The following MAGI2 variants were observed in gnomAD, a reference collection of about 807,000 sequenced individuals.
MAGI2 encodes membrane-associated guanylate kinase, WW and PDZ domain-containing protein 2.
A neutral mutation model predicts 133.3 loss-of-function variants in MAGI2; 35 were observed. That is an observed-to-expected ratio of 0.26 (90% confidence interval 0.20 to 0.35). MAGI2 has a LOEUF of 0.35. Ranked by LOEUF, MAGI2 falls within the 10% of genes least tolerant of loss-of-function variation. MAGI2 has a pLI of 1.00. For missense variants in MAGI2, 1,636 were observed against 1,863.4 expected (o/e 0.88, Z 2.25); for synonymous variants, 729 against 710.6 (o/e 1.03, Z -0.41).
intron 3 of MAGI2, among the ~76,000 whole-genome samples, chr7:78,560,169 A>T (rs1302220614): frequency 1.3e-5 from 2 of 152,192 alleles, no homozygotes; most frequent in Non-Finnish European, 2.9e-5. Flanking sequence ...GAAAATGAAG[A>T]TCCACATTAA....
chr7:79,105,429 A>T (rs1562895003), intron 1 of MAGI2, among the ~76,000 whole-genome samples: 1 of 152,194 alleles, frequency 6.6e-6, no homozygotes, highest in East Asian at 1.9e-4. Context: ...CCTGCTCAGT[A>T]GCGATTTACT....
chr7:79,191,386 CTTTTTCTTTTTCTTTCTTTTTTTTTT>C, intron 1 of MAGI2, among the ~76,000 whole-genome samples: 1 of 44,214 alleles, frequency 2.3e-5, no homozygotes, highest in South Asian at 7.3e-4. Context: ...TTCTTTTTTT[CTTTTTCTTTTTCTTTCTTTTTTTTTT>C]TTTTTTTTTT....
intron 1 of MAGI2, among the ~76,000 whole-genome samples, chr7:79,021,935 C>G (rs1226199262): frequency 6.6e-6 from 1 of 152,042 alleles, no homozygotes. Context: ...GGGGCAGTTT[C>G]CCCTATGCTG....
intron 3 of MAGI2, among the ~76,000 whole-genome samples, chr7:78,576,269 T>C (rs1802258869): frequency 6.6e-6 from 1 of 152,150 alleles, no homozygotes; most frequent in Non-Finnish European, 1.5e-5. Flanking sequence ...TTGGGACACA[T>C]TGGTCTCTAG....
intron 1 of MAGI2, among the ~76,000 whole-genome samples, chr7:79,409,073 C>T (rs1319879302): frequency 6.6e-6 from 1 of 152,002 alleles, no homozygotes; most frequent in African/African-American, 2.4e-5. Context: ...AGTATTCAGA[C>T]ACAAGTTTTA....
intron 1 of MAGI2, among the ~76,000 whole-genome samples, chr7:79,118,411 C>T (rs1340430055): frequency 6.6e-6 from 1 of 152,074 alleles, no homozygotes; most frequent in Non-Finnish European, 1.5e-5. Context: ...ACATTCATTC[C>T]TACTTGCAGG....
intron 2 of MAGI2, among the ~76,000 whole-genome samples, chr7:78,658,598 A>G (rs954154300): frequency 1.3e-5 from 2 of 152,214 alleles, no homozygotes; most frequent in Non-Finnish European, 2.9e-5. Flanking sequence ...TTTTATCTAG[A>G]AAAATAAAGA....
At chr7:78,420,280 G>A (rs1465665130) in intron 6 of MAGI2, among the ~76,000 whole-genome samples, 8 of 152,220 alleles carry the variant, frequency 5.3e-5, no homozygotes, top group Middle Eastern at 3.4e-3. Flanking sequence ...AACTGTTCTT[G>A]GCAGGAAGTG....
chr7:78,508,513 T>C (rs1795288511), intron 4 of MAGI2, among the ~76,000 whole-genome samples: 1 of 152,244 alleles, frequency 6.6e-6, no homozygotes, highest in African/African-American at 2.4e-5. Flanking sequence ...GTGTAAGTTG[T>C]TAAGAAATTA....
chr7:78,710,379 CTA>C (rs2151173878), intron 2 of MAGI2, among the ~76,000 whole-genome samples: 1 of 152,234 alleles, frequency 6.6e-6, no homozygotes, highest in Non-Finnish European at 1.5e-5. Context: ...GCAAAGAACC[CTA>C]TGTTTGGGGA....
intron 1 of MAGI2, chr7:79,353,835 G>T: frequency 4.6e-6 from 1 of 215,160 alleles, no homozygotes; most frequent in Non-Finnish European, 9.6e-6. Flanking sequence ...GGTGGGGCTG[G>T]AACTGCTGGG....
intron 2 of MAGI2, among the ~76,000 whole-genome samples, chr7:78,682,544 T>A (rs1277920263): frequency 6.6e-6 from 1 of 152,206 alleles, no homozygotes. Context: ...GCAAACGACA[T>A]GAACTCATCC....
At chr7:78,060,231 A>ACAAAC (rs1813081303) in intron 21 of MAGI2, among the ~76,000 whole-genome samples, 1 of 144,732 alleles carries the variant, frequency 6.9e-6, no homozygotes, top group Non-Finnish European at 1.5e-5. Flanking sequence ...AAATTATTTA[A>ACAAAC]AAAACAAAAG....
chr7:78,812,258 T>C (rs1789130002), intron 2 of MAGI2, among the ~76,000 whole-genome samples: 1 of 152,224 alleles, frequency 6.6e-6, no homozygotes, highest in African/African-American at 2.4e-5. Context: ...AATTTGTGAT[T>C]ATTTGTTACA....
At chr7:78,248,976 C>A (rs1315346016) in intron 10 of MAGI2, among the ~76,000 whole-genome samples, 1 of 151,380 alleles carries the variant, frequency 6.6e-6, no homozygotes, top group Admixed American at 6.6e-5. Context: ...ACTCATCTGA[C>A]AAGAAGTTAA....
chr7:78,086,955 A>G (rs1198728167), intron 20 of MAGI2, among the ~76,000 whole-genome samples: 3 of 152,074 alleles, frequency 2.0e-5, no homozygotes, highest in African/African-American at 7.2e-5. Context: ...TTTCTAAGGT[A>G]TTTGGCATGT....
chr7:78,270,941 T>A (rs1036197085), intron 9 of MAGI2, among the ~76,000 whole-genome samples: 1 of 152,176 alleles, frequency 6.6e-6, no homozygotes, highest in East Asian at 1.9e-4. Flanking sequence ...TTTTCCTAAT[T>A]GAATACCTTT....
intron 1 of MAGI2, among the ~76,000 whole-genome samples, chr7:79,313,100 A>G (rs904070633): frequency 6.6e-6 from 1 of 152,014 alleles, no homozygotes; most frequent in African/African-American, 2.4e-5. Context: ...TCCCTACTTT[A>G]AAGATTGTTT....
intron 2 of MAGI2, among the ~76,000 whole-genome samples, chr7:78,917,178 G>C (rs189627044): frequency 4.5e-4 from 69 of 152,086 alleles, no homozygotes; most frequent in Admixed American, 4.5e-3. Context: ...GGAAAAGAGA[G>C]GAAGAAGAAG....
Sources: allele counts gnomAD v4.1 joint callset (sites outside exome capture counted in the v4.1 genomes callset), GRCh38; gene constraint gnomAD v4.1.1; transcripts MANE v1.5; gene names NCBI Gene and HGNC (gene_info 2026-07-23, HGNC 2026-07-21).